Variants in SPTBN5 observed in about 807,000 individuals in gnomAD.
SPTBN5 encodes the protein spectrin beta, non-erythrocytic 5.
SPTBN5 carries 513 observed loss-of-function variants against 477.6 expected under a neutral mutation model. That is an observed-to-expected ratio of 1.07 (90% CI 1.00 to 1.16). SPTBN5 has a LOEUF of 1.16. Among genes scored for constraint, SPTBN5 ranks in the 50% most tolerant of loss-of-function variants. The pLI, the probability that SPTBN5 is intolerant of heterozygous loss-of-function variation, is 0.00. For missense variants in SPTBN5, 5,062 were observed against 4,731.8 expected, an observed-to-expected ratio of 1.07 and a Z score of -2.05; for synonymous variants, 2,169 against 2,011.7, an observed-to-expected ratio of 1.08 and a Z score of -2.09.
chr15:41,887,467 T>C, intron 5 of SPTBN5, 26 bp from the exon 6 acceptor site: 3 of 1,519,968 alleles, frequency 2.0e-6, no homozygotes, highest in Non-Finnish European at 2.7e-6. Flanking sequence ...GAAGGGCTCT[T>C]CACCAGCAGG....
rs1459051805 is a variant in SPTBN5 at position 41,874,821 on chromosome 15, G to A, written c.4502+21C>T. 2.5e-6 allele frequency: 4 copies of A among 1,589,922 alleles called. No individual in the cohort carries two copies. The Admixed American group carries it at 6.8e-5, about 27-fold the overall frequency. ...TCACATGGAGGAGTGACACACAGGTGGGTGGGAGGACAGACCCCACCTCCG... is the reference window on the plus strand; with the variant it reads ...TCACATGGAGGAGTGACACACAGGTAGGTGGGAGGACAGACCCCACCTCCG... On this transcript the variant is annotated intron_variant, in intron 23 of 67. Coordinates refer to ENST00000320955, the MANE Select transcript of SPTBN5 (RefSeq NM_016642.4).
Position 41,849,816 on chromosome 15 carries a change from A to G in SPTBN5, c.11012+53T>C. 7.2e-6 allele frequency: 10 copies of G among 1,395,100 alleles called. No homozygotes were observed. The South Asian group carries it at 1.1e-4, about 16-fold the overall frequency. The allele number at this position is 1,395,100 out of a possible 1,614,324, so 86.4% of individuals were successfully genotyped here. Reference sequence around the variant, plus strand: ...CAGGCTTCAGAGGACAGCGCCTGCCAGCCACTGAAGCCCAGGGCTCCCCGC... The same window carrying G: ...CAGGCTTCAGAGGACAGCGCCTGCCGGCCACTGAAGCCCAGGGCTCCCCGC... On this transcript the variant is annotated intron_variant, in intron 67 of 67. Coordinates refer to ENST00000320955, the MANE Select transcript of SPTBN5 (RefSeq NM_016642.4).
chr15:41,891,760 C>A (rs1263810566), intron 3 of SPTBN5, among the ~76,000 whole-genome samples: 1 of 152,162 alleles, frequency 6.6e-6, no homozygotes, highest in East Asian at 1.9e-4. Context: ...ATGGGAGCAT[C>A]TCCATAAGCG....
rs1216266713 is a variant in SPTBN5 at position 41,853,484 on chromosome 15, C to G, written c.9981-37G>C. 90 of 1,544,648 alleles carry G rather than the reference C, an allele frequency of 5.8e-5. No individual in the cohort carries two copies. The Admixed American group carries it at 1.6e-3, about 28-fold the overall frequency. ...GGAAGGGAGCTGTTGTCAGGGCTGG[C>G]TGGGGAGCAGGGGAGGGAGGGTCCA... On this transcript the variant is annotated intron_variant, in intron 58 of 67. Coordinates refer to ENST00000320955, the MANE Select transcript of SPTBN5 (RefSeq NM_016642.4).
rs774233198 is a variant in SPTBN5 at position 41,852,873 on chromosome 15, T to TCAGCCTGCTC, written c.10288_10297dup (p.Glu3433GlyfsTer4). On this transcript the variant is annotated stop_gained and frameshift_variant, in exon 60 of 68. Coordinates refer to ENST00000320955, the MANE Select transcript of SPTBN5 (RefSeq NM_016642.4). LOFTEE classifies it high-confidence loss of function. ...TCCCTCCCAGCAGGCCAGCCAGGCCTCAGCCTGCTCCAGCCTCTGCCGAAG... is the reference window on the plus strand; with the variant it reads ...TCCCTCCCAGCAGGCCAGCCAGGCCTCAGCCTGCTCCAGCCTGCTCCAGCCTCTGCCGAAG... 354 of 1,608,228 alleles carry TCAGCCTGCTC rather than the reference T, an allele frequency of 2.2e-4. No individual in the cohort carries two copies. The highest frequency in any genetic ancestry group is 2.9e-4 in the Non-Finnish European group (341 of 1,176,892).
At chr15:41,893,715 C>G in intron 1 of SPTBN5, 169 bp from the exon 2 acceptor site, 1 of 757,976 alleles carries the variant, frequency 1.3e-6, no homozygotes, top group Non-Finnish European at 2.1e-6. Flanking sequence ...TGGCCCAGGG[C>G]CCCCTTTGCC....
chr15:41,866,479 G>C lies in SPTBN5; in HGVS notation c.6495C>G (p.Ile2165Met), dbSNP rs1467834362. ...TQAATQAEDW[I>M]QAWAQQLKEP... ...CCTTCAGCTGCTGGGCCCACGCCTGGATCCAGTCCTCAGCCTGGTGGGGGT... is the reference window on the plus strand; with the variant it reads ...CCTTCAGCTGCTGGGCCCACGCCTGCATCCAGTCCTCAGCCTGGTGGGGGT... The change falls in exon 37 of 68, where the codon ATC becomes ATG. Residue 2165 changes from isoleucine to methionine, a missense_variant. Transcript: ENST00000320955. 6.3e-7 allele frequency: 1 copy of C among 1,575,548 alleles called. No individual in the cohort carries two copies. Among genetic ancestry groups the C allele is most frequent in the South Asian group, 1.2e-5 (1 of 85,674 alleles).
chr15:41,857,160 G>T, intron 51 of SPTBN5, 78 bp downstream of exon 51: 1 of 1,520,312 alleles, frequency 6.6e-7, no homozygotes, highest in South Asian at 1.3e-5. Context: ...AAAGTGAGAA[G>T]ACATCAGTTA....
In SPTBN5 at chr15:41,893,008, G is replaced by T; in HGVS notation, c.270C>A (p.Leu90=). ...LYTELADGIH[L]LRLLELISGE... The stretch of plus-strand genomic sequence containing the variant: ...CTGAGATGAGCTCCAGCAGCCGCAG[G>T]AGGTGGATGCCGTCAGCCAGCTCTG... Residue 90 remains leucine (L), a synonymous_variant, in exon 3 of 68, where the codon CTC becomes CTA. Coordinates refer to ENST00000320955, the MANE Select transcript of SPTBN5 (RefSeq NM_016642.4). The T allele has an allele frequency of 3.1e-6, 5 of 1,611,156 alleles. No homozygotes were observed. The highest frequency in any genetic ancestry group is 4.2e-6 in the Non-Finnish European group (5 of 1,179,772).
Position 41,876,147 on chromosome 15 carries a change from G to C in SPTBN5, c.4089C>G (p.Leu1363=), listed in dbSNP as rs760141535. Residue 1363 remains leucine (L), a synonymous_variant, in exon 21 of 68, where the codon CTC becomes CTG. Coordinates refer to ENST00000320955, the MANE Select transcript of SPTBN5 (RefSeq NM_016642.4). Reference sequence around the variant, plus strand: ...GGGCCTCCACGTGTCTGCGGGTGGCGAGTAGCTCGCTCTCAGCTGCTTCGT... The same window carrying C: ...GGGCCTCCACGTGTCTGCGGGTGGCCAGTAGCTCGCTCTCAGCTGCTTCGT... ...KRHEAAESEL[L]ATRRHVEALQ... 1 of 1,603,728 alleles carries C rather than the reference G, an allele frequency of 6.2e-7. No individual in the cohort carries two copies. Among genetic ancestry groups the C allele is most frequent in the Non-Finnish European group, 8.5e-7 (1 of 1,179,342 alleles).
chr15:41,891,957 C>A lies in SPTBN5; in HGVS notation c.384+937G>T, dbSNP rs764972682. Among the ~76,000 whole-genome samples the A allele has an allele frequency of 2.0e-5, 3 of 152,166 alleles. No individual in the cohort carries two copies. In the East Asian group the frequency reaches 5.8e-4, roughly 29 times the overall value. On this transcript the variant is annotated intron_variant, in intron 3 of 67. Coordinates refer to ENST00000320955, the MANE Select transcript of SPTBN5 (RefSeq NM_016642.4). ...TCTGACAAAGGCTGTGGGGCTTACA[C>A]CCTTCCCCAGTTCCTGGAGGGGAGA... is the stretch of plus-strand genomic sequence containing the variant.
At position 41,879,270 on chromosome 15, in the gene SPTBN5, C is replaced by T. The variant is rs556946178; in HGVS notation, c.3172G>A (p.Val1058Met). Residue 1058 changes from valine to methionine, a missense_variant, in exon 16 of 68, where the codon GTG (valine) becomes ATG (methionine). Coordinates refer to ENST00000320955, the MANE Select transcript of SPTBN5 (RefSeq NM_016642.4). Reference protein sequence around the residue: ...LERRVHFLQSVVVKVEEPGYA... With the variant: ...LERRVHFLQSMVVKVEEPGYA... ...CTGCGCTGGCCGTACTTTACGACCA[C>T]ACTTTGGAGGAAGTGGACCCTCCTC... 23 of 1,611,612 alleles carry T rather than the reference C, an allele frequency of 1.4e-5. 1 individual carries two copies. In the South Asian group the frequency reaches 2.3e-4, roughly 16 times the overall value.
chr15:41,867,306 G>A (rs1352865575), intron 35 of SPTBN5, among the ~76,000 whole-genome samples, 180 bp from the exon 36 acceptor site: 1 of 152,228 alleles, frequency 6.6e-6, no homozygotes, highest in East Asian at 1.9e-4. Context: ...GGACCACACG[G>A]TGTGGACAGA....
chr15:41,889,243 C>T (rs2067242189), intron 4 of SPTBN5, among the ~76,000 whole-genome samples: 1 of 152,206 alleles, frequency 6.6e-6, no homozygotes, highest in African/African-American at 2.4e-5. Context: ...ACACAAGACC[C>T]CTGCTCTCCT....
chr15:41,860,558 G>C, intron 47 of SPTBN5, 28 bp downstream of exon 47: 1 of 1,365,202 alleles, frequency 7.3e-7, no homozygotes, highest in Non-Finnish European at 9.5e-7. Context: ...CCTGCCCACA[G>C]CACCCCTCAC....
At chr15:41,849,842 C>T in intron 67 of SPTBN5, 27 bp downstream of exon 67, 1 of 1,547,370 alleles carries the variant, frequency 6.5e-7, no homozygotes, top group Non-Finnish European at 8.8e-7. Flanking sequence ...GGCTCCCCGC[C>T]CTGCTTCCCC....
chr15:41,868,613 G>C lies in SPTBN5; in HGVS notation c.5854-12C>G. The C allele has an allele frequency of 1.3e-6, 2 of 1,596,574 alleles. No homozygotes were observed. Among genetic ancestry groups the C allele is most frequent in the Non-Finnish European group, 1.7e-6 (2 of 1,177,640 alleles). On this transcript the variant is annotated splice_polypyrimidine_tract_variant and intron_variant, in intron 32 of 67. Coordinates refer to ENST00000320955, the MANE Select transcript of SPTBN5 (RefSeq NM_016642.4). Reference sequence around the variant, plus strand: ...GCATAGTCACGCACCTGATCCCGGGGACACGGAGGGAGAGCCGGGTGAGGG... The same window carrying C: ...GCATAGTCACGCACCTGATCCCGGGCACACGGAGGGAGAGCCGGGTGAGGG...
In SPTBN5 at chr15:41,871,417, T is replaced by C; in HGVS notation, c.5405A>G (p.His1802Arg). The C allele has an allele frequency of 6.5e-7, 1 of 1,540,080 alleles. No individual in the cohort carries two copies. Among genetic ancestry groups the C allele is most frequent in the Non-Finnish European group, 8.8e-7 (1 of 1,141,830 alleles). Reference protein sequence around the residue: ...LLAESLLERGHSAGPMVRQRQ... With the variant: ...LLAESLLERGRSAGPMVRQRQ... Reference sequence around the variant, plus strand: ...CTGACGGACCATGGGGCCAGCACTGTGCCCACGCTCTAGCAGGCTCTCCGC... The same window carrying C: ...CTGACGGACCATGGGGCCAGCACTGCGCCCACGCTCTAGCAGGCTCTCCGC... The change falls in exon 29 of 68, where the codon CAC becomes CGC. Residue 1802 changes from histidine to arginine, a missense_variant. Transcript: ENST00000320955.
chr15:41,862,341 C>G (rs375032016), intron 43 of SPTBN5, 49 bp from the exon 44 acceptor site: 1 of 1,551,424 alleles, frequency 6.4e-7, no homozygotes, highest in Non-Finnish European at 8.7e-7. Context: ...AACCCCTCTC[C>G]CCCATGCCCA....
Sources: gnomAD v4.1 joint callset for allele counts (sites outside exome capture counted in the v4.1 genomes callset) on GRCh38, gnomAD v4.1.1 for gene constraint, MANE v1.5 for transcripts, NCBI Gene and HGNC (gene_info 2026-07-23, HGNC 2026-07-21) for gene names.